Variants in PCDH11X observed in about 807,000 individuals in gnomAD.
PCDH11X encodes the protein protocadherin 11 X-linked, also known as protocadherin-11 X-linked.
A neutral mutation model predicts 53.3 loss-of-function variants in PCDH11X; 18 were observed. The ratio of observed to expected loss-of-function variants is 0.34; its 90% confidence interval spans 0.23 to 0.50. The LOEUF is 0.50. PCDH11X is among the 20% of genes least tolerant of loss of function. The pLI, the probability that PCDH11X is intolerant of heterozygous loss-of-function variation, is 0.98. For missense variants in PCDH11X, 570 were observed against 1,032.4 expected, an observed-to-expected ratio of 0.55 and a Z score of 6.14; for synonymous variants, 279 against 393.3, an observed-to-expected ratio of 0.71 and a Z score of 3.44.
At chrX:92,176,132 G>A (rs2065906621) in intron 6 of PCDH11X, among the ~76,000 whole-genome samples, 1 of 111,025 alleles carries the variant, frequency 9.0e-6, no homozygotes, top group African/African-American at 3.3e-5. Context: ...ACTGACATAT[G>A]GTGCATCATT....
At chrX:92,532,770 C>A (rs1489270282) in intron 10 of PCDH11X, among the ~76,000 whole-genome samples, 51 of 109,985 alleles carry the variant, frequency 4.6e-4, no homozygotes, top group African/African-American at 1.6e-3. Flanking sequence ...TAAGACAGGG[C>A]AATTTACATA....
rs2074859668 is a variant in PCDH11X at position 92,546,599 on chromosome X, A to C, written c.3368-71665A>C. Among the ~76,000 whole-genome samples the C allele has an allele frequency of 2.7e-5, 3 of 111,381 alleles. No individual in the cohort carries two copies. In the South Asian group the frequency reaches 1.1e-3, roughly 42 times the overall value. The stretch of plus-strand genomic sequence containing the variant: ...TTCCCCATTTTCTTCTACAAATTAC[A>C]GATGTTATTTCAGTCTAAATTAAGT... On this transcript the variant is annotated intron_variant, in intron 10 of 10. Transcript: ENST00000682573.
At chrX:91,970,265 G>A (rs1363136028) in intron 6 of PCDH11X, among the ~76,000 whole-genome samples, 1 of 111,348 alleles carries the variant, frequency 9.0e-6, no homozygotes, top group Non-Finnish European at 1.9e-5. Flanking sequence ...ACCTGAGCGG[G>A]TTGCCACTTC....
intron 9 of PCDH11X, among the ~76,000 whole-genome samples, chrX:92,413,832 G>T (rs1293403896): frequency 9.3e-6 from 1 of 107,265 alleles, no homozygotes; most frequent in Non-Finnish European, 1.9e-5. Flanking sequence ...GAAGAAATAT[G>T]TGTATGTACA....
At chrX:92,498,330 C>T (rs974446654) in intron 10 of PCDH11X, among the ~76,000 whole-genome samples, 18 of 110,321 alleles carry the variant, frequency 1.6e-4, no homozygotes, top group African/African-American at 5.9e-4. Context: ...TCTATAACAA[C>T]GATGCTATCC....
intron 6 of PCDH11X, among the ~76,000 whole-genome samples, chrX:92,068,995 G>T (rs2063658318): frequency 9.0e-6 from 1 of 110,546 alleles, no homozygotes; most frequent in African/African-American, 3.3e-5. Context: ...AGTTCCATTT[G>T]TTCTACTATG....
At chrX:92,413,206 C>T (rs1445902962) in intron 9 of PCDH11X, among the ~76,000 whole-genome samples, 1 of 55,335 alleles carries the variant, frequency 1.8e-5, no homozygotes, top group Non-Finnish European at 3.2e-5. Context: ...GCACATGAGT[C>T]CACCATTTTG....
At chrX:91,944,961 C>T (rs1249119692) in intron 6 of PCDH11X, among the ~76,000 whole-genome samples, 1 of 97,920 alleles carries the variant, frequency 1.0e-5, no homozygotes, top group Non-Finnish European at 2.1e-5. Context: ...TACTTAAAAT[C>T]CCTCTTATCT....
chrX:92,067,681 TGAGTTTGG>T (rs1406462644), intron 6 of PCDH11X, among the ~76,000 whole-genome samples: 1 of 107,021 alleles, frequency 9.3e-6, no homozygotes, highest in Non-Finnish European at 1.9e-5. Flanking sequence ...CCATGTTGAA[TGAGTTTGG>T]CAACAGTCCC....
rs1334959682 is a variant in PCDH11X, at chrX:92,322,611, T to C, written c.3144+59468T>C. Among the ~76,000 whole-genome samples, 7 of 111,663 alleles carry C rather than the reference T, an allele frequency of 6.3e-5. No homozygotes were observed. The East Asian group carries it at 2.0e-3, about 32-fold the overall frequency. Reference sequence around the variant, plus strand: ...ATGACATATTTTATAAACAGATAACTCTACAAATATTTCTTGACAAAGATG... The same window carrying C: ...ATGACATATTTTATAAACAGATAACCCTACAAATATTTCTTGACAAAGATG... On this transcript the variant is annotated intron_variant, in intron 8 of 10. Coordinates refer to ENST00000682573, the MANE Select transcript of PCDH11X (RefSeq NM_032968.5).
chrX:91,917,569 CAAA>C (rs59199030), intron 6 of PCDH11X, among the ~76,000 whole-genome samples: 825 of 15,611 alleles, frequency 0.053, no homozygotes, highest in East Asian at 0.077. Flanking sequence ...ACAGCAGCTG[CAAA>C]AAAAAAAAAA....
intron 6 of PCDH11X, among the ~76,000 whole-genome samples, chrX:92,166,406 C>A (rs1366623240): frequency 9.2e-6 from 1 of 108,853 alleles, no homozygotes; most frequent in Non-Finnish European, 1.9e-5. Flanking sequence ...ATTATTCACG[C>A]TTTATTTAAA....
chrX:92,454,091 G>C (rs996968046), intron 9 of PCDH11X, among the ~76,000 whole-genome samples: 7 of 100,249 alleles, frequency 7.0e-5, no homozygotes, highest in Non-Finnish European at 1.4e-4. Context: ...TGAAAAGACT[G>C]CTCAAAAATG....
chrX:92,606,932 A>C (rs1213042077), intron 10 of PCDH11X, among the ~76,000 whole-genome samples: 1 of 110,343 alleles, frequency 9.1e-6, no homozygotes, highest in African/African-American at 3.3e-5. Flanking sequence ...ATTTAACTTC[A>C]TTAGCAGTTA....
intron 9 of PCDH11X, among the ~76,000 whole-genome samples, chrX:92,390,370 CGTGTGT>C (rs60286215): frequency 4.6e-4 from 43 of 93,649 alleles, no homozygotes; most frequent in East Asian, 2.7e-3. Context: ...TAACATAGTA[CGTGTGT>C]GTGTGTGTGT....
intron 6 of PCDH11X, among the ~76,000 whole-genome samples, chrX:92,053,997 A>G (rs2063404045): frequency 8.9e-6 from 1 of 111,923 alleles, no homozygotes; most frequent in African/African-American, 3.2e-5. Flanking sequence ...AGGCTAAGAA[A>G]TAATAATAAA....
intron 7 of PCDH11X, among the ~76,000 whole-genome samples, chrX:92,250,612 A>ATATATAT (rs1569441396): frequency 2.7e-5 from 2 of 74,924 alleles, no homozygotes; most frequent in Non-Finnish European, 6.4e-5. Context: ...TATATATATA[A>ATATATAT]AATAATATGT....
chrX:91,923,948 G>T (rs1025021194), intron 6 of PCDH11X, among the ~76,000 whole-genome samples: 1 of 109,097 alleles, frequency 9.2e-6, no homozygotes, highest in Non-Finnish European at 1.9e-5. Flanking sequence ...GCTGGGTGAG[G>T]GATCATTCAT....
intron 6 of PCDH11X, among the ~76,000 whole-genome samples, chrX:92,066,397 AT>A (rs1284088750): frequency 1.0e-5 from 1 of 97,267 alleles, no homozygotes; most frequent in Non-Finnish European, 2.0e-5. Context: ...GAAAAATGTC[AT>A]TGGTATTTTG....
Sources: allele counts gnomAD v4.1 joint callset (sites outside exome capture counted in the v4.1 genomes callset), GRCh38; gene constraint gnomAD v4.1.1; transcripts MANE v1.5; gene names NCBI Gene and HGNC (gene_info 2026-07-23, HGNC 2026-07-21).